Variants in CDYL observed in about 807,000 individuals in gnomAD.
The protein encoded by CDYL is chromodomain Y-like protein.
A neutral mutation model predicts 47.3 loss-of-function variants in CDYL; 8 were observed. That is an observed-to-expected ratio of 0.17 (90% CI 0.10 to 0.31). CDYL has a LOEUF of 0.31. CDYL is among the 10% of genes least tolerant of loss of function. The pLI is 1.00. For synonymous variants in CDYL, 266 were observed against 265.0 expected, an observed-to-expected ratio of 1.00 and a Z score of -0.04; for missense variants, 471 against 701.4, an observed-to-expected ratio of 0.67 and a Z score of 3.71.
intron 3 of CDYL, among the ~76,000 whole-genome samples, chr6:4,738,865 T>C (rs1197926172): frequency 1.3e-5 from 2 of 152,170 alleles, no homozygotes; most frequent in African/African-American, 4.8e-5. Context: ...ATCAAGGAAT[T>C]ATTAAAAACA....
intron 3 of CDYL, among the ~76,000 whole-genome samples, chr6:4,742,998 C>G (rs1448342414): frequency 6.6e-6 from 1 of 152,184 alleles, no homozygotes; most frequent in African/African-American, 2.4e-5. Flanking sequence ...CCAGTCAATT[C>G]CAAGTGTGGG....
chr6:4,746,361 A>T (rs1033592117), intron 3 of CDYL, among the ~76,000 whole-genome samples: 34 of 64,648 alleles, frequency 5.3e-4, no homozygotes, highest in African/African-American at 5.0e-3. Context: ...AGACTCTCTC[A>T]AAAAAAAAAA....
chr6:4,764,595 G>A (rs1208038869), intron 3 of CDYL, among the ~76,000 whole-genome samples: 1 of 152,110 alleles, frequency 6.6e-6, no homozygotes, highest in Non-Finnish European at 1.5e-5. Context: ...GTCAGTTGTA[G>A]GTATCTTAAT....
chr6:4,723,416 C>G (rs972708807), intron 2 of CDYL, among the ~76,000 whole-genome samples: 4 of 152,032 alleles, frequency 2.6e-5, no homozygotes, highest in African/African-American at 9.7e-5. Flanking sequence ...ACAGTACAGC[C>G]AAACTGGGCG....
intron 1 of CDYL, among the ~76,000 whole-genome samples, chr6:4,852,147 G>A (rs1056689463): frequency 6.6e-6 from 1 of 152,140 alleles, no homozygotes; most frequent in African/African-American, 2.4e-5. Context: ...TCAACATGTG[G>A]ATTTAGCATC....
intron 2 of CDYL, among the ~76,000 whole-genome samples, chr6:4,716,593 A>ATTTTTTTT (rs35154777): frequency 4.2e-4 from 51 of 120,002 alleles, no homozygotes; most frequent in African/African-American, 1.5e-3. Context: ...GGCAGCAATA[A>ATTTTTTTT]TTTTTTTTTT....
At chr6:4,709,913 AT>A (rs1291080312) in intron 1 of CDYL, among the ~76,000 whole-genome samples, 1 of 152,008 alleles carries the variant, frequency 6.6e-6, no homozygotes, top group Non-Finnish European at 1.5e-5. Context: ...GATAGCTAGC[AT>A]TTTTTCCCCT....
intron 3 of CDYL, among the ~76,000 whole-genome samples, chr6:4,750,188 T>A (rs927215958): frequency 1.3e-5 from 2 of 151,798 alleles, no homozygotes; most frequent in African/African-American, 4.8e-5. Context: ...AAAAAAGTTT[T>A]TATTTAATTT....
At chr6:4,936,012 G>A (rs1221543464) in intron 3 of CDYL, among the ~76,000 whole-genome samples, 2 of 152,198 alleles carry the variant, frequency 1.3e-5, no homozygotes, top group Non-Finnish European at 2.9e-5. Context: ...ATTCTCCCGG[G>A]TGTGGGTCCA....
At chr6:4,838,139 G>A (rs73364556) in intron 1 of CDYL, among the ~76,000 whole-genome samples, 51,504 of 151,780 alleles carry the variant, frequency 0.34, 11,937 homozygotes, top group African/African-American at 0.67. Flanking sequence ...CTCTTTAAAA[G>A]TTTTTCGGTA....
intron 2 of CDYL, among the ~76,000 whole-genome samples, chr6:4,732,562 T>C (rs1757623877): frequency 6.6e-6 from 1 of 150,728 alleles, no homozygotes; most frequent in Admixed American, 6.7e-5. Context: ...CTCAGGAGGC[T>C]GAGGTGGGAG....
At chr6:4,890,785 G>A (rs746852868) in intron 1 of CDYL, among the ~76,000 whole-genome samples, 5 of 152,212 alleles carry the variant, frequency 3.3e-5, no homozygotes, top group African/African-American at 4.8e-5. Flanking sequence ...GAGCCACTCC[G>A]TGGCTGTAGG....
chr6:4,814,698 T>C (rs1351313044), intron 1 of CDYL, among the ~76,000 whole-genome samples: 1 of 152,086 alleles, frequency 6.6e-6, no homozygotes. Context: ...AATTTTTGTA[T>C]TTTTAGTAGA....
intron 1 of CDYL, among the ~76,000 whole-genome samples, chr6:4,868,936 T>G (rs1761397908): frequency 6.6e-6 from 1 of 152,224 alleles, no homozygotes; most frequent in Non-Finnish European, 1.5e-5. Context: ...GCTAAAAGTC[T>G]TCTTTGATAC....
At chr6:4,743,052 C>G (rs1757825446) in intron 3 of CDYL, among the ~76,000 whole-genome samples, 1 of 152,206 alleles carries the variant, frequency 6.6e-6, no homozygotes. Flanking sequence ...TCTCACGCCC[C>G]AAGGCTCTGA....
At chr6:4,757,482 A>C (rs941195915) in intron 3 of CDYL, among the ~76,000 whole-genome samples, 6 of 152,186 alleles carry the variant, frequency 3.9e-5, no homozygotes, top group African/African-American at 1.4e-4. Flanking sequence ...TATTACCTCA[A>C]ATGCTTGGAA....
At chr6:4,859,442 G>T (rs1761101262) in intron 1 of CDYL, among the ~76,000 whole-genome samples, 1 of 152,116 alleles carries the variant, frequency 6.6e-6, no homozygotes, top group Non-Finnish European at 1.5e-5. Flanking sequence ...AGTGGATGGA[G>T]TTATGTCCCT....
intron 1 of CDYL, among the ~76,000 whole-genome samples, chr6:4,796,101 A>G (rs1554098604): frequency 6.6e-6 from 1 of 152,070 alleles, no homozygotes; most frequent in Non-Finnish European, 1.5e-5. Context: ...CTGGGACTAC[A>G]GGCACGCACC....
upstream of CDYL, chr6:4,706,158 A>G (rs1757042164): frequency 6.6e-6 from 1 of 152,176 alleles, no homozygotes; most frequent in Non-Finnish European, 1.5e-5. Flanking sequence ...TTGTTCCTTG[A>G]GGAGAGAGGA....
Sources: gnomAD v4.1 joint callset for allele counts (sites outside exome capture counted in the v4.1 genomes callset) on GRCh38, gnomAD v4.1.1 for gene constraint, MANE v1.5 for transcripts, NCBI Gene and HGNC (gene_info 2026-07-23, HGNC 2026-07-21) for gene names.